The following TDRD12 variants were observed in gnomAD, a reference collection of about 807,000 sequenced individuals.
TDRD12 encodes the protein tudor domain containing 12, also known as putative ATP-dependent RNA helicase TDRD12.
In TDRD12, 158 loss-of-function variants were observed where a neutral mutation model predicts 133.5. The ratio of observed to expected loss-of-function variants is 1.18; its 90% CI spans 1.04 to 1.35. The LOEUF (loss-of-function observed/expected upper bound fraction) is 1.35. Among genes scored for constraint, TDRD12 ranks in the 40% most tolerant of loss-of-function variants. The pLI is 0.00. For synonymous variants in TDRD12, 460 were observed against 477.9 expected (o/e 0.96, Z 0.49); for missense variants, 1,443 against 1,321.3 (o/e 1.09, Z -1.43).
chr19:32,756,246 T>C, intron 7 of TDRD12, 65 bp downstream of exon 7: 1 of 1,310,968 alleles, frequency 7.6e-7, no homozygotes, highest in Non-Finnish European at 9.9e-7. Context: ...AGTGTATAGA[T>C]ATAAGTTGTA....
intron 5 of TDRD12, among the ~76,000 whole-genome samples, chr19:32,749,131 AT>A (rs1969745212): frequency 6.6e-6 from 1 of 152,206 alleles, no homozygotes; most frequent in East Asian, 1.9e-4. Flanking sequence ...GTGCTGTGTC[AT>A]CATCTGGGTA....
intron 6 of TDRD12, 45 bp from the exon 7 acceptor site, chr19:32,755,947 G>A: frequency 2.3e-6 from 3 of 1,324,448 alleles, no homozygotes; most frequent in Non-Finnish European, 3.0e-6. Flanking sequence ...AAAATCGCTT[G>A]ACTATATTTG....
intron 13 of TDRD12, among the ~76,000 whole-genome samples, chr19:32,793,793 CTTTT>C (rs766973591): frequency 8.6e-6 from 1 of 116,114 alleles, no homozygotes; most frequent in Non-Finnish European, 1.7e-5. Context: ...AAGCAAGAAT[CTTTT>C]TTTTTTTTTT....
At position 32,720,020 on chromosome 19, in the gene TDRD12, C is replaced by A; in HGVS notation, c.-53C>A. ...CGGACGCAGCCAGCCTCACCCGCGACGGTAGGGGACTTCCAGGGCGAGGGG... is the reference window on the plus strand; with the variant it reads ...CGGACGCAGCCAGCCTCACCCGCGAAGGTAGGGGACTTCCAGGGCGAGGGG... On this transcript the variant is annotated 5_prime_UTR_variant, in exon 1 of 28. Coordinates refer to ENST00000444215, the Ensembl canonical transcript of TDRD12. 6 of 1,543,118 alleles carry A rather than the reference C, an allele frequency of 3.9e-6. No homozygotes were observed. The Middle Eastern group carries it at 7.1e-4, about 182-fold the overall frequency.
At chr19:32,750,728 A>G (rs952781899) in intron 6 of TDRD12, among the ~76,000 whole-genome samples, 1 of 151,990 alleles carries the variant, frequency 6.6e-6, no homozygotes, top group African/African-American at 2.4e-5. Flanking sequence ...GCTCCTCAGT[A>G]CTTCCATGCC....
chr19:32,813,446 G>A (rs370922906), intron 24 of TDRD12, among the ~76,000 whole-genome samples: 107 of 152,290 alleles, frequency 7.0e-4, no homozygotes, highest in Admixed American at 3.8e-3. Flanking sequence ...ACAGACCCCC[G>A]CCTTGAGCTC....
rs1222651817 is a variant in TDRD12, at chr19:32,748,338, A to G, written c.441-138A>G. 5 of 810,232 alleles carry G rather than the reference A, an allele frequency of 6.2e-6. No homozygotes were observed. The African/African-American group carries it at 8.6e-5, about 14-fold the overall frequency. The allele number at this position is 810,232 out of a possible 1,614,324, so 50.2% of individuals were successfully genotyped here. ...GGATCCTCACCCCCAGAGCAGGGCC[A>G]GTGCCAGGTGCCCCATCATCTGCAT... On this transcript the variant is annotated intron_variant, in intron 4 of 27. Coordinates refer to ENST00000444215, the Ensembl canonical transcript of TDRD12.
chr19:32,777,159 C>G, exon 11 of TDRD12: 1 of 1,537,982 alleles, frequency 6.5e-7, no homozygotes, highest in Non-Finnish European at 8.8e-7. Flanking sequence ...TGCTTTAAGT[C>G]AGAAGTCAAA....
At chr19:32,785,319 GA>G (rs1970875623) in intron 11 of TDRD12, among the ~76,000 whole-genome samples, 1 of 152,350 alleles carries the variant, frequency 6.6e-6, no homozygotes, top group East Asian at 1.9e-4. Flanking sequence ...ACTCTGGTCT[GA>G]GAGACAGTTT....
chr19:32,732,927 C>G (rs1969103399), intron 2 of TDRD12, among the ~76,000 whole-genome samples: 1 of 152,128 alleles, frequency 6.6e-6, no homozygotes, highest in Admixed American at 6.6e-5. Flanking sequence ...AATCCCAGCA[C>G]TTTGGGAGGC....
intron 6 of TDRD12, among the ~76,000 whole-genome samples, chr19:32,753,752 C>T (rs113248306): frequency 0.061 from 9,001 of 148,692 alleles, 444 homozygotes; most frequent in East Asian, 0.24. Context: ...CTCCTGACTT[C>T]GTGATCCACC....
chr19:32,762,020 T>C (rs550976547), intron 8 of TDRD12, among the ~76,000 whole-genome samples: 2 of 152,292 alleles, frequency 1.3e-5, no homozygotes, highest in African/African-American at 4.8e-5. Context: ...GATTTGGCTA[T>C]TTTAAATTGA....
chr19:32,815,723 C>T lies in TDRD12; in HGVS notation c.3314+103C>T, dbSNP rs147660836. On this transcript the variant is annotated intron_variant, in intron 26 of 27. Transcript: ENST00000444215. ...TGAAAGTAGAAGAGTTGGCTGGGTGCGGTGGCTCACACCTGTAATCCCAGC... is the reference window on the plus strand; with the variant it reads ...TGAAAGTAGAAGAGTTGGCTGGGTGTGGTGGCTCACACCTGTAATCCCAGC... The T allele has an allele frequency of 7.1e-3, 8,082 of 1,141,550 alleles. 37 individuals carry two copies. Among genetic ancestry groups the T allele is most frequent in the African/African-American group, 0.022 (1,413 of 64,358 alleles). The allele number at this position is 1,141,550 out of a possible 1,614,324, so 70.7% of individuals were successfully genotyped here.
At chr19:32,737,490 C>G (rs1297406289) in intron 2 of TDRD12, among the ~76,000 whole-genome samples, 1 of 152,098 alleles carries the variant, frequency 6.6e-6, no homozygotes, top group African/African-American at 2.4e-5. Context: ...CAGGCGTGAA[C>G]CACCATGCCT....
At chr19:32,823,854 A>C (rs2145768046), downstream of TDRD12, among the ~76,000 whole-genome samples, 1 of 152,326 alleles carries the variant, frequency 6.6e-6, no homozygotes, top group Non-Finnish European at 1.5e-5. Flanking sequence ...GGGGCTGAAG[A>C]GGGTCTGCAC....
intron 11 of TDRD12, among the ~76,000 whole-genome samples, chr19:32,784,950 A>AT (rs1258408292): frequency 2.6e-5 from 4 of 151,706 alleles, no homozygotes; most frequent in Admixed American, 1.3e-4. Context: ...AGATTCATTG[A>AT]TTTTTTTGAA....
intron 4 of TDRD12, among the ~76,000 whole-genome samples, chr19:32,744,363 A>G (rs937265018): frequency 2.0e-5 from 3 of 151,086 alleles, no homozygotes; most frequent in East Asian, 2.0e-4. Context: ...AGCCAGGCGC[A>G]GTGGTACGCG....
At chr19:32,771,534 G>A (rs1970442760) in intron 8 of TDRD12, among the ~76,000 whole-genome samples, 1 of 149,986 alleles carries the variant, frequency 6.7e-6, no homozygotes, top group Non-Finnish European at 1.5e-5. Flanking sequence ...GTCCTTTTCA[G>A]ACAGATGTTT....
chr19:32,757,588 C>G (rs1252030029), intron 8 of TDRD12, among the ~76,000 whole-genome samples: 4 of 152,182 alleles, frequency 2.6e-5, no homozygotes, highest in African/African-American at 4.8e-5. Context: ...ATGACTGGCT[C>G]GCCCTCTGTG....
Sources: gnomAD v4.1 joint callset for allele counts (sites outside exome capture counted in the v4.1 genomes callset) on GRCh38, gnomAD v4.1.1 for gene constraint, MANE v1.5 for transcripts, NCBI Gene and HGNC (gene_info 2026-07-23, HGNC 2026-07-21) for gene names.